PUS10: variants seen among roughly 807,000 people sequenced by gnomAD.
The protein encoded by PUS10 is tRNA pseudouridine synthase Pus10.
PUS10 carries 59 observed loss-of-function variants against 75.0 expected under a neutral mutation model. The observed-to-expected ratio is 0.79, with a 90% CI of 0.64 to 0.98. PUS10 has a LOEUF of 0.98. Ranked by LOEUF, PUS10 falls within the 50% of genes least tolerant of loss-of-function variation. The pLI is 0.00. For missense variants in PUS10, 650 were observed against 614.4 expected, an observed-to-expected ratio of 1.06 and a Z score of -0.61; for synonymous variants, 219 against 211.6, an observed-to-expected ratio of 1.03 and a Z score of -0.30.
intron 1 of PUS10, among the ~76,000 whole-genome samples, chr2:61,014,936 T>C (rs1416970226): frequency 2.0e-5 from 3 of 152,206 alleles, no homozygotes; most frequent in East Asian, 1.9e-4. Context: ...GACAGGCATA[T>C]AGTTACATAG....
At chr2:60,989,869 T>C (rs927583239) in intron 4 of PUS10, among the ~76,000 whole-genome samples, 3 of 151,892 alleles carry the variant, frequency 2.0e-5, no homozygotes, top group Non-Finnish European at 2.9e-5. Context: ...AAGTGATCCA[T>C]CCGCCTCGGC....
At chr2:60,979,226 CAATAAGGAGGTT>C (rs1364198333) in intron 4 of PUS10, among the ~76,000 whole-genome samples, 1 of 152,112 alleles carries the variant, frequency 6.6e-6, no homozygotes, top group East Asian at 1.9e-4. Context: ...AAACTGGGCT[CAATAAGGAGGTT>C]AGTGACAAGA....
At chr2:61,011,647 T>A in intron 2 of PUS10, 118 bp downstream of exon 2, 1 of 691,286 alleles carries the variant, frequency 1.4e-6, no homozygotes, top group Non-Finnish European at 2.1e-6. Context: ...TTATTATAGT[T>A]TTTTAATTTA....
chr2:61,004,684 G>T (rs1185339376), intron 4 of PUS10, among the ~76,000 whole-genome samples: 1 of 147,174 alleles, frequency 6.8e-6, no homozygotes, highest in Non-Finnish European at 1.5e-5. Flanking sequence ...AAATCACGAA[G>T]TGAACCATAA....
At chr2:60,997,716 G>A (rs1201229211) in intron 4 of PUS10, among the ~76,000 whole-genome samples, 1 of 151,410 alleles carries the variant, frequency 6.6e-6, no homozygotes, top group Non-Finnish European at 1.5e-5. Flanking sequence ...TAATAGTTTT[G>A]TGTGGCATTA....
intron 4 of PUS10, among the ~76,000 whole-genome samples, chr2:60,976,400 C>A (rs544355440): frequency 2.6e-5 from 4 of 152,186 alleles, no homozygotes; most frequent in African/African-American, 9.6e-5. Context: ...TTTAAGGAAC[C>A]TCAGACTCTT....
At chr2:60,997,912 G>A (rs963866883) in intron 4 of PUS10, among the ~76,000 whole-genome samples, 6 of 152,140 alleles carry the variant, frequency 3.9e-5, no homozygotes, top group Non-Finnish European at 7.3e-5. Flanking sequence ...GTGGGTGAGA[G>A]AGAACACACA....
intron 4 of PUS10, 91 bp from the exon 5 acceptor site, chr2:60,971,648 T>A: frequency 1.7e-6 from 2 of 1,193,874 alleles, no homozygotes; most frequent in Non-Finnish European, 2.5e-6. Flanking sequence ...AGTGCTTAAC[T>A]ATTTGCTAAT....
In PUS10 at chr2:60,960,441, T is replaced by G; in HGVS notation, c.951A>C (p.Ser317=). 2 of 1,578,050 alleles carry G rather than the reference T, an allele frequency of 1.3e-6. No individual in the cohort carries two copies. Among genetic ancestry groups the G allele is most frequent in the Non-Finnish European group, 1.7e-6 (2 of 1,166,528 alleles). The part of the protein sequence containing the change: ...IIDGERKLES[S]VEELISDHLL... The stretch of plus-strand genomic sequence containing the variant: ...GATGATCTGAAATTAATTCTTCCAC[T>G]GAAGATTCCAGCTTCCTTTCTCCAT... Residue 317 remains serine (S), a synonymous_variant, in exon 11 of 18, where the codon TCA becomes TCC. Coordinates refer to ENST00000316752, the MANE Select transcript of PUS10 (RefSeq NM_144709.4).
At chr2:60,971,137 A>G (rs1676636041) in intron 5 of PUS10, among the ~76,000 whole-genome samples, 1 of 151,666 alleles carries the variant, frequency 6.6e-6, no homozygotes, top group African/African-American at 2.4e-5. Flanking sequence ...CTGAGATCAC[A>G]CCACTGCACT....
intron 11 of PUS10, among the ~76,000 whole-genome samples, chr2:60,955,382 T>C (rs951247854): frequency 2.6e-5 from 4 of 152,146 alleles, no homozygotes; most frequent in African/African-American, 9.7e-5. Flanking sequence ...CAGGCTGGAG[T>C]GCAGCAGCGT....
chr2:60,944,928 A>G, intron 17 of PUS10, 81 bp downstream of exon 17: 1 of 964,620 alleles, frequency 1.0e-6, no homozygotes, highest in Non-Finnish European at 1.7e-6. Context: ...GGTGGGTGAT[A>G]CTAAAATGGC....
chr2:61,003,579 C>G (rs1269073013), intron 4 of PUS10, among the ~76,000 whole-genome samples: 1 of 151,360 alleles, frequency 6.6e-6, no homozygotes, highest in Non-Finnish European at 1.5e-5. Context: ...GGGTCTTGCC[C>G]TGTCACCCAG....
intron 11 of PUS10, among the ~76,000 whole-genome samples, chr2:60,958,646 G>T (rs1330303658): frequency 6.6e-6 from 1 of 152,158 alleles, no homozygotes; most frequent in Non-Finnish European, 1.5e-5. Flanking sequence ...CGCTTTGAGA[G>T]GCCAAGGCAG....
At position 61,016,651 on chromosome 2, in the gene PUS10, C is replaced by T. The variant is rs1035874965; in HGVS notation, c.-16+1357G>A. Among the ~76,000 whole-genome samples, 3 of 152,248 alleles carry T rather than the reference C, an allele frequency of 2.0e-5. No individual in the cohort carries two copies. In the South Asian group the frequency reaches 6.2e-4, roughly 32 times the overall value. On this transcript the variant is annotated intron_variant, in intron 1 of 17. Coordinates refer to ENST00000316752, the MANE Select transcript of PUS10 (RefSeq NM_144709.4). ...TCCCTAGGAGGACTGAATCCCTCCT[C>T]CCCAAATCAAGGATAACTAGCCCAG...
At chr2:60,978,566 T>G (rs1320012788) in intron 4 of PUS10, among the ~76,000 whole-genome samples, 1 of 151,374 alleles carries the variant, frequency 6.6e-6, no homozygotes, top group Non-Finnish European at 1.5e-5. Flanking sequence ...GAACTGAGGA[T>G]GTGTGGCTGG....
At chr2:60,964,471 A>G (rs976725437) in intron 8 of PUS10, among the ~76,000 whole-genome samples, 1 of 152,238 alleles carries the variant, frequency 6.6e-6, no homozygotes, top group African/African-American at 2.4e-5. Context: ...CTATCCTGAC[A>G]TGATACGAGC....
At chr2:60,957,551 G>A (rs1184827050) in intron 11 of PUS10, among the ~76,000 whole-genome samples, 6 of 152,262 alleles carry the variant, frequency 3.9e-5, no homozygotes, top group Non-Finnish European at 5.9e-5. Context: ...TCGGCAGAAC[G>A]TAAAAGCAGC....
At chr2:60,997,863 G>T (rs1678583623) in intron 4 of PUS10, among the ~76,000 whole-genome samples, 2 of 152,146 alleles carry the variant, frequency 1.3e-5, no homozygotes, top group African/African-American at 4.8e-5. Flanking sequence ...CTCAGAAAAG[G>T]CTTATTGAAT....
Sources: allele counts gnomAD v4.1 joint callset (sites outside exome capture counted in the v4.1 genomes callset), GRCh38; gene constraint gnomAD v4.1.1; transcripts MANE v1.5; gene names NCBI Gene and HGNC (gene_info 2026-07-23, HGNC 2026-07-21).